The following DPP10 variants were observed in gnomAD, a reference collection of about 807,000 sequenced individuals.
DPP10 encodes dipeptidyl peptidase like 10.
A neutral mutation model predicts 120.9 loss-of-function variants in DPP10; 33 were observed. The ratio of observed to expected loss-of-function variants is 0.27; its 90% CI spans 0.21 to 0.37. DPP10 has a LOEUF of 0.37. Among genes scored for constraint, DPP10 ranks in the 10% least tolerant of loss-of-function variants. The pLI is 1.00. For missense variants in DPP10, 816 were observed against 942.8 expected, an observed-to-expected ratio of 0.87 and a Z score of 1.76; for synonymous variants, 337 against 326.1, an observed-to-expected ratio of 1.03 and a Z score of -0.36.
At chr2:115,656,171 T>C (rs923086479) in intron 5 of DPP10, among the ~76,000 whole-genome samples, 5 of 146,056 alleles carry the variant, frequency 3.4e-5, no homozygotes, top group Non-Finnish European at 6.0e-5. Context: ...CACACACACA[T>C]TTATTACCTT....
At chr2:114,594,632 T>C (rs1358373099) in intron 1 of DPP10, among the ~76,000 whole-genome samples, 1 of 138,550 alleles carries the variant, frequency 7.2e-6, no homozygotes, top group African/African-American at 2.6e-5. Flanking sequence ...CACATATATA[T>C]ATCCTCTTGG....
chr2:115,300,642 A>T (rs1378046519), intron 1 of DPP10, among the ~76,000 whole-genome samples: 1 of 151,954 alleles, frequency 6.6e-6, no homozygotes, highest in Admixed American at 6.6e-5. Context: ...ATCCTGTTTT[A>T]CTGTTTTGTT....
chr2:115,102,656 G>T (rs942949384), intron 1 of DPP10, among the ~76,000 whole-genome samples: 1 of 151,768 alleles, frequency 6.6e-6, no homozygotes, highest in Non-Finnish European at 1.5e-5. Context: ...TGATCCACCC[G>T]CCTCGGCCTC....
chr2:115,126,530 A>G (rs191942371), intron 1 of DPP10, among the ~76,000 whole-genome samples: 1 of 152,346 alleles, frequency 6.6e-6, no homozygotes, highest in Admixed American at 6.5e-5. Flanking sequence ...TAAATAGATA[A>G]AAGAAGAGTA....
chr2:115,559,214 A>G (rs1269891966), intron 5 of DPP10, among the ~76,000 whole-genome samples: 1 of 152,204 alleles, frequency 6.6e-6, no homozygotes, highest in East Asian at 1.9e-4. Flanking sequence ...CAGAAATGTT[A>G]CCCAAATGGG....
chr2:115,248,394 A>G (rs2058624624), intron 1 of DPP10, among the ~76,000 whole-genome samples: 1 of 151,846 alleles, frequency 6.6e-6, no homozygotes, highest in Non-Finnish European at 1.5e-5. Context: ...TCTTTAGAAG[A>G]TATTTCTTTC....
At chr2:115,157,374 C>T (rs1250388351) in intron 1 of DPP10, among the ~76,000 whole-genome samples, 1 of 151,960 alleles carries the variant, frequency 6.6e-6, no homozygotes, top group East Asian at 1.9e-4. Flanking sequence ...CTGCTTCCAC[C>T]AGAGATCATA....
chr2:115,105,351 T>C (rs2048894576), intron 1 of DPP10, among the ~76,000 whole-genome samples: 1 of 152,058 alleles, frequency 6.6e-6, no homozygotes, highest in South Asian at 2.1e-4. Flanking sequence ...TGCTAGCATC[T>C]GCTTCTGGTG....
chr2:114,912,948 G>A (rs1694484916), intron 1 of DPP10, among the ~76,000 whole-genome samples: 2 of 152,184 alleles, frequency 1.3e-5, no homozygotes, highest in Non-Finnish European at 2.9e-5. Flanking sequence ...GGCTTGCCAT[G>A]CTCCTCTAGG....
rs72951846 is a variant in DPP10, at chr2:114,537,454, G to T, written c.60+94616G>T. On this transcript the variant is annotated intron_variant, in intron 1 of 25. Coordinates refer to ENST00000410059, the MANE Select transcript of DPP10 (RefSeq NM_020868.6). ...AATAGGTTGTTTACGTTTTCAAGTC[G>T]GCAAATTCCCTTCACAGCCACACCA... Among the ~76,000 whole-genome samples, 499 of 152,122 alleles carry T rather than the reference G, an allele frequency of 3.3e-3. 3 individuals are homozygous for T. The highest frequency in any genetic ancestry group is 0.011 in the African/African-American group (456 of 41,470).
intron 1 of DPP10, among the ~76,000 whole-genome samples, chr2:115,237,648 C>G (rs1023560748): frequency 6.6e-6 from 1 of 152,152 alleles, no homozygotes. Context: ...AGGAAAACTT[C>G]TTGAAAGAAA....
intron 12 of DPP10, among the ~76,000 whole-genome samples, chr2:115,763,739 T>A (rs1680380492): frequency 6.6e-6 from 1 of 152,136 alleles, no homozygotes; most frequent in Non-Finnish European, 1.5e-5. Context: ...TTGTTGCTAC[T>A]AACATTCCCC....
At chr2:115,568,187 GAA>G (rs1328782346) in intron 5 of DPP10, among the ~76,000 whole-genome samples, 4 of 70,620 alleles carry the variant, frequency 5.7e-5, no homozygotes, top group South Asian at 4.9e-4. Context: ...TCAAAAAAAA[GAA>G]AAAAAAAAAA....
chr2:115,835,035 C>A (rs1284473252), intron 21 of DPP10, among the ~76,000 whole-genome samples: 1 of 151,348 alleles, frequency 6.6e-6, no homozygotes, highest in African/African-American at 2.4e-5. Flanking sequence ...GCAGTGAGCC[C>A]AGGGGGCGGA....
intron 1 of DPP10, among the ~76,000 whole-genome samples, chr2:114,635,122 C>A (rs1014146890): frequency 3.3e-5 from 5 of 151,348 alleles, no homozygotes; most frequent in Non-Finnish European, 7.4e-5. Flanking sequence ...GTTTAACTTC[C>A]TCATTGTTTT....
At chr2:114,465,967 G>T (rs910897738) in intron 1 of DPP10, among the ~76,000 whole-genome samples, 14 of 152,238 alleles carry the variant, frequency 9.2e-5, no homozygotes, top group African/African-American at 3.4e-4. Context: ...GCGTTGTGTT[G>T]TTAACCAACC....
At chr2:114,479,722 G>A (rs558159771) in intron 1 of DPP10, among the ~76,000 whole-genome samples, 6 of 152,144 alleles carry the variant, frequency 3.9e-5, no homozygotes, top group East Asian at 1.9e-4. Flanking sequence ...ATTCAAGATG[G>A]TTAAAGACTT....
intron 1 of DPP10, among the ~76,000 whole-genome samples, chr2:114,920,665 T>C (rs1695135892): frequency 6.6e-6 from 1 of 152,192 alleles, no homozygotes; most frequent in Non-Finnish European, 1.5e-5. Flanking sequence ...GCACATCCAA[T>C]TGCATAAATG....
intron 2 of DPP10, among the ~76,000 whole-genome samples, chr2:115,320,720 A>G (rs532131203): frequency 6.6e-6 from 1 of 152,212 alleles, no homozygotes; most frequent in South Asian, 2.1e-4. Context: ...AATCATGTTA[A>G]TATAAGAAAT....
Sources: allele counts gnomAD v4.1 joint callset (sites outside exome capture counted in the v4.1 genomes callset), GRCh38; gene constraint gnomAD v4.1.1; transcripts MANE v1.5; gene names NCBI Gene and HGNC (gene_info 2026-07-23, HGNC 2026-07-21).